The following GRIK2 variants were observed in gnomAD, a reference collection of about 807,000 sequenced individuals.
The protein encoded by GRIK2 is glutamate receptor ionotropic, kainate 2.
GRIK2 carries 32 observed loss-of-function variants against 100.3 expected under a neutral mutation model. The observed-to-expected ratio is 0.32, with a 90% confidence interval of 0.24 to 0.43. GRIK2 has a LOEUF of 0.43. GRIK2 is among the 20% of genes least tolerant of loss of function. GRIK2 has a pLI of 1.00. For synonymous variants in GRIK2, 417 were observed against 389.4 expected (o/e 1.07, Z -0.83); for missense variants, 843 against 1,114.9 (o/e 0.76, Z 3.47).
At chr6:101,976,116 C>T (rs919407002) in intron 14 of GRIK2, among the ~76,000 whole-genome samples, 21 of 151,590 alleles carry the variant, frequency 1.4e-4, no homozygotes, top group Admixed American at 6.6e-4. Context: ...TAGCAAGATC[C>T]GACATTTCAG....
intron 1 of GRIK2, among the ~76,000 whole-genome samples, chr6:101,394,562 T>G (rs1774929175): frequency 6.6e-6 from 1 of 152,206 alleles, no homozygotes; most frequent in African/African-American, 2.4e-5. Flanking sequence ...ATGCACAGAT[T>G]ATCTTCTATC....
intron 2 of GRIK2, among the ~76,000 whole-genome samples, chr6:101,452,681 A>G (rs1234292885): frequency 1.3e-5 from 2 of 151,782 alleles, no homozygotes; most frequent in Non-Finnish European, 2.9e-5. Context: ...AAACTAAATA[A>G]TGCAAAGTCT....
intron 11 of GRIK2, among the ~76,000 whole-genome samples, chr6:101,882,515 A>C (rs1348926360): frequency 6.6e-6 from 1 of 151,974 alleles, no homozygotes; most frequent in Non-Finnish European, 1.5e-5. Flanking sequence ...GGCTTATTTC[A>C]CCATTAGCAA....
At chr6:101,986,764 C>T (rs1253954101) in intron 14 of GRIK2, among the ~76,000 whole-genome samples, 1 of 151,736 alleles carries the variant, frequency 6.6e-6, no homozygotes, top group East Asian at 1.9e-4. Flanking sequence ...GAAACAGTCC[C>T]CAGCACTCAC....
rs958996851 is a variant in GRIK2 at position 101,936,548 on chromosome 6, G to A, written c.2085+7916G>A. ...TAAGGAAGTTATTTTTACTCCCAGAGGTTGTCTCCCTCCCCCTTTCCTCAT... is the reference window on the plus strand; with the variant it reads ...TAAGGAAGTTATTTTTACTCCCAGAAGTTGTCTCCCTCCCCCTTTCCTCAT... On this transcript the variant is annotated intron_variant, in intron 14 of 16. Transcript: ENST00000369134. 5.3e-5 allele frequency among the ~76,000 whole-genome samples: 8 copies of A among 152,080 alleles called. No individual in the cohort carries two copies. The South Asian group carries it at 8.3e-4, about 16-fold the overall frequency.
In GRIK2 at chr6:102,068,414, A is replaced by C; in HGVS notation, c.2630A>C (p.His877Pro). The C allele has an allele frequency of 6.2e-7, 1 of 1,612,200 alleles. No homozygotes were observed. The highest frequency in any genetic ancestry group is 8.5e-7 in the Non-Finnish European group (1 of 1,178,640). Reference protein sequence around the residue: ...MSLKCQRRLKHKPQAPVIVKT... With the variant: ...MSLKCQRRLKPKPQAPVIVKT... ...CTGAAGTGCCAGCGTCGGTTAAAAC[A>C]TAAGCCACAGGCCCCAGTTATTGTG... Residue 877 changes from histidine (H) to proline (P), a missense_variant, in exon 17 of 17, where the codon CAT becomes CCT. Around this residue, in one of 3 missense-constraint regions of GRIK2, gnomAD observed 87 missense variants for 83.2 expected, o/e 1.05. Coordinates refer to ENST00000369134, the MANE Select transcript of GRIK2 (RefSeq NM_021956.5).
intron 2 of GRIK2, among the ~76,000 whole-genome samples, chr6:101,477,867 A>G (rs978354084): frequency 1.3e-5 from 2 of 152,196 alleles, no homozygotes; most frequent in African/African-American, 4.8e-5. Flanking sequence ...TGTGAATTGC[A>G]TCATAATAGC....
At chr6:102,049,548 T>C (rs146856614) in intron 15 of GRIK2, among the ~76,000 whole-genome samples, 1 of 152,266 alleles carries the variant, frequency 6.6e-6, no homozygotes, top group African/African-American at 2.4e-5. Context: ...AATAGATAGA[T>C]GGAAGCCTTT....
intron 2 of GRIK2, among the ~76,000 whole-genome samples, chr6:101,489,356 G>C (rs1024664140): frequency 6.8e-6 from 1 of 146,078 alleles, no homozygotes; most frequent in African/African-American, 2.6e-5. Flanking sequence ...AGAAGTGTCT[G>C]TAGATCAGTT....
At chr6:101,646,722 G>A (rs1208646929) in intron 4 of GRIK2, among the ~76,000 whole-genome samples, 1 of 151,820 alleles carries the variant, frequency 6.6e-6, no homozygotes, top group Non-Finnish European at 1.5e-5. Flanking sequence ...CTTTGTCAGT[G>A]GAATACATTA....
At chr6:101,887,845 T>C (rs1786764004) in intron 11 of GRIK2, among the ~76,000 whole-genome samples, 1 of 152,048 alleles carries the variant, frequency 6.6e-6, no homozygotes, top group African/African-American at 2.4e-5. Flanking sequence ...ACCTCCATGA[T>C]GCAATCACCT....
intron 4 of GRIK2, among the ~76,000 whole-genome samples, chr6:101,661,060 C>T (rs942948921): frequency 5.3e-5 from 8 of 152,276 alleles, no homozygotes; most frequent in Non-Finnish European, 1.0e-4. Context: ...TTTAAGTCTG[C>T]TGAATCTGTG....
At chr6:101,750,188 G>C (rs1309513354) in intron 7 of GRIK2, among the ~76,000 whole-genome samples, 1 of 151,990 alleles carries the variant, frequency 6.6e-6, no homozygotes, top group Admixed American at 6.6e-5. Flanking sequence ...CCCGGTTGAG[G>C]TATTATTTTT....
At chr6:102,023,080 C>T (rs969996350) in intron 14 of GRIK2, among the ~76,000 whole-genome samples, 1 of 150,898 alleles carries the variant, frequency 6.6e-6, no homozygotes, top group South Asian at 2.1e-4. Flanking sequence ...GGCCAAGTAA[C>T]CTGTGTCCAA....
chr6:101,899,639 T>G (rs1005505988), intron 12 of GRIK2, among the ~76,000 whole-genome samples: 7 of 152,154 alleles, frequency 4.6e-5, no homozygotes, highest in Non-Finnish European at 1.0e-4. Flanking sequence ...CTCATGGGCT[T>G]CTGACTACAC....
At chr6:101,579,567 T>C (rs1433982129) in intron 2 of GRIK2, among the ~76,000 whole-genome samples, 1 of 151,994 alleles carries the variant, frequency 6.6e-6, no homozygotes, top group South Asian at 2.1e-4. Context: ...AAAAGATACA[T>C]TTGGGCCGGG....
intron 9 of GRIK2, among the ~76,000 whole-genome samples, chr6:101,805,744 C>T (rs9377307): frequency 0.23 from 35,567 of 151,828 alleles, 5,304 homozygotes; most frequent in East Asian, 0.69. Context: ...AAAAGAAGGT[C>T]ATTTTGTTTT....
At chr6:101,982,789 A>T (rs1384197897) in intron 14 of GRIK2, among the ~76,000 whole-genome samples, 1 of 151,640 alleles carries the variant, frequency 6.6e-6, no homozygotes, top group Non-Finnish European at 1.5e-5. Context: ...CCACTTACAT[A>T]AGCCCTCAGG....
chr6:101,774,442 C>T (rs1456960077), intron 7 of GRIK2, among the ~76,000 whole-genome samples: 5 of 152,092 alleles, frequency 3.3e-5, no homozygotes, highest in Admixed American at 6.6e-5. Flanking sequence ...TAGTAAAAAG[C>T]GGACAAGATT....
Sources: gnomAD v4.1 joint callset for allele counts (sites outside exome capture counted in the v4.1 genomes callset) on GRCh38, gnomAD v4.1.1 for gene constraint, gnomAD v4.1.1 regional missense constraint, MANE v1.5 for transcripts, NCBI Gene and HGNC (gene_info 2026-07-23, HGNC 2026-07-21) for gene names.